Variants in INSL6 observed in about 807,000 individuals in gnomAD.
INSL6 encodes the protein insulin like 6.
In INSL6, 16 loss-of-function variants were observed where a neutral mutation model predicts 9.4. The observed-to-expected ratio is 1.70, with a 90% CI of 1.15 to 2.59. INSL6 has a LOEUF of 2.59. INSL6 is among the 30% of genes most tolerant of loss of function. INSL6 has a pLI of 0.00. For missense variants in INSL6, 391 were observed against 257.3 expected (o/e 1.52, Z -3.56); for synonymous variants, 154 against 96.9 (o/e 1.59, Z -3.46).
the INSL6 span, among the ~76,000 whole-genome samples, chr9:5,052,647 A>T: frequency 6.6e-6 from 1 of 152,214 alleles, no homozygotes; most frequent in Admixed American, 6.6e-5. Context: ...TTCAGTCCTC[A>T]TCCCACTTTC....
the INSL6 span, chr9:5,078,326 TG>T: frequency 3.1e-6 from 5 of 1,612,114 alleles, no homozygotes; most frequent in Non-Finnish European, 4.2e-6. Context: ...CCCTTATTCA[TG>T]GGAATGTATG....
Position 5,152,411 on chromosome 9 carries a change from A to C in INSL6, c.376+11768T>G, listed in dbSNP as rs900651642. Among the ~76,000 whole-genome samples the C allele has an allele frequency of 3.3e-5, 5 of 152,220 alleles. No homozygotes were observed. The South Asian group carries it at 6.2e-4, about 19-fold the overall frequency. On this transcript the variant is annotated intron_variant, in intron 2 of 3. Coordinates refer to the INSL6 transcript ENST00000649639. Reference sequence around the variant, plus strand: ...AATTAATATAAGAAAGATATCTAGTAAATACTGAAACATTAGCAATTTTAA... The same window carrying C: ...AATTAATATAAGAAAGATATCTAGTCAATACTGAAACATTAGCAATTTTAA...
chr9:4,995,811 C>G, the INSL6 span, among the ~76,000 whole-genome samples: 1 of 152,132 alleles, frequency 6.6e-6, no homozygotes, highest in South Asian at 2.1e-4. Flanking sequence ...TGATTTTAAA[C>G]TTGAATTTAA....
the INSL6 span, chr9:5,091,186 G>T: frequency 7.4e-5 from 18 of 244,864 alleles, no homozygotes; most frequent in Non-Finnish European, 1.2e-4. Flanking sequence ...AGGCTTAGGG[G>T]TAATTATTAG....
At chr9:5,157,493 A>G (rs1027183882) in intron 2 of INSL6, among the ~76,000 whole-genome samples, 2 of 152,112 alleles carry the variant, frequency 1.3e-5, no homozygotes, top group East Asian at 1.9e-4. Flanking sequence ...TTTACAATCA[A>G]TTTGCTGGAA....
chr9:5,169,884 C>T (rs138891233), intron 1 of INSL6, among the ~76,000 whole-genome samples: 40 of 152,268 alleles, frequency 2.6e-4, no homozygotes, highest in Non-Finnish European at 4.3e-4. Context: ...TAGAGACCTA[C>T]GAAGAGACTT....
chr9:5,145,245 A>G (rs1824578710), intron 2 of INSL6, among the ~76,000 whole-genome samples: 1 of 151,088 alleles, frequency 6.6e-6, no homozygotes, highest in Non-Finnish European at 1.5e-5. Context: ...CAGATATGAA[A>G]TTCTGGGTTG....
downstream of INSL6, among the ~76,000 whole-genome samples, chr9:5,159,685 A>G (rs577018275): frequency 1.1e-4 from 17 of 152,358 alleles, no homozygotes; most frequent in African/African-American, 3.1e-4. Flanking sequence ...AGAGACCCCA[A>G]TACATTAAAA....
At chr9:5,085,497 C>T in the INSL6 span, 1 of 720,792 alleles carries the variant, frequency 1.4e-6, no homozygotes, top group Admixed American at 1.8e-5. Flanking sequence ...TTTCTTTTGA[C>T]CCGAGCTGAA....
At chr9:5,040,921 G>A in the INSL6 span, 3 of 331,698 alleles carry the variant, frequency 9.0e-6, no homozygotes, top group East Asian at 2.8e-4. Context: ...GACGCTGCCG[G>A]CAGCCTGGCC....
chr9:5,113,141 C>G, the INSL6 span, among the ~76,000 whole-genome samples: 14 of 151,286 alleles, frequency 9.3e-5, no homozygotes, highest in African/African-American at 3.2e-4. Context: ...GTGACCTGCC[C>G]CATGGACCCT....
At chr9:5,047,242 T>G in the INSL6 span, among the ~76,000 whole-genome samples, 1 of 152,242 alleles carries the variant, frequency 6.6e-6, no homozygotes, top group East Asian at 1.9e-4. Flanking sequence ...ATGTGACCAG[T>G]GGCATTACCA....
chr9:5,063,460 T>A, the INSL6 span, among the ~76,000 whole-genome samples: 6 of 152,286 alleles, frequency 3.9e-5, no homozygotes, highest in Non-Finnish European at 2.9e-5. Context: ...TAATTTTTGG[T>A]CATTCCTTTC....
the INSL6 span, chr9:5,094,086 C>T: frequency 1.2e-4 from 18 of 152,134 alleles, no homozygotes; most frequent in African/African-American, 4.1e-4. Context: ...GGTTCAACTC[C>T]CCTTCTTAAC....
chr9:5,041,371 C>T, the INSL6 span: 2 of 626,972 alleles, frequency 3.2e-6, no homozygotes, highest in Non-Finnish European at 3.0e-6. Flanking sequence ...TCAACATGCA[C>T]CTGGGCAAGG....
the INSL6 span, chr9:5,112,757 A>G: frequency 1.1e-5 from 7 of 652,716 alleles, no homozygotes; most frequent in African/African-American, 1.8e-5. Context: ...GCGAGAAGAG[A>G]AGGTGTCGCG....
the INSL6 span, chr9:5,085,783 T>C: frequency 1.3e-6 from 1 of 754,964 alleles, no homozygotes; most frequent in African/African-American, 1.7e-5. Context: ...TTATGATGAA[T>C]ATTACATGCT....
At position 5,165,210 on chromosome 9, in the gene INSL6, C is replaced by A. The variant is rs144287628; in HGVS notation, c.290-945G>T. ...TAGGTGACAGAGCAAGACTCCATCTCAAAAAACAAAAAAAAAGAATAGTGC... is the reference window on the plus strand; with the variant it reads ...TAGGTGACAGAGCAAGACTCCATCTAAAAAAACAAAAAAAAAGAATAGTGC... On this transcript the variant is annotated intron_variant, in intron 1 of 1. Transcript: ENST00000381641. Among the ~76,000 whole-genome samples the A allele has an allele frequency of 9.0e-3, 1,361 of 151,338 alleles. 20 individuals carry two copies. Among genetic ancestry groups the A allele is most frequent in the African/African-American group, 0.03 (1,234 of 41,286 alleles).
chr9:5,023,718 G>C, the INSL6 span, among the ~76,000 whole-genome samples: 1 of 151,960 alleles, frequency 6.6e-6, no homozygotes, highest in Non-Finnish European at 1.5e-5. Flanking sequence ...TGTTCCTCTT[G>C]GATAATCTAC....
Sources: allele counts gnomAD v4.1 joint callset (sites outside exome capture counted in the v4.1 genomes callset), GRCh38; gene constraint gnomAD v4.1.1; transcripts MANE v1.5; gene names NCBI Gene and HGNC (gene_info 2026-07-23, HGNC 2026-07-21).